Variants in ITPRIP observed in about 807,000 individuals in gnomAD.
ITPRIP encodes the protein inositol 1,4,5-trisphosphate receptor interacting protein.
ITPRIP carries 32 observed loss-of-function variants against 35.8 expected under a neutral mutation model. That is an observed-to-expected ratio of 0.89 (90% CI 0.68 to 1.20). The LOEUF is 1.20. Ranked by LOEUF, ITPRIP falls within the 50% of genes most tolerant of loss-of-function variation. ITPRIP has a pLI of 0.00. For missense variants in ITPRIP, 653 were observed against 735.6 expected (o/e 0.89, Z 1.30); for synonymous variants, 358 against 324.0 (o/e 1.11, Z -1.13).
In ITPRIP at chr10:104,328,197, T is replaced by G. The variant is rs1248171347; in HGVS notation, c.-14+10049A>C. The stretch of plus-strand genomic sequence containing the variant: ...AGCCTCCAGGATTCCCATCTCCGGT[T>G]TCTATGCGTGAATCACAGTGACAGC... On this transcript the variant is annotated intron_variant, in intron 1 of 1. Coordinates refer to ENST00000337478, the MANE Select transcript of ITPRIP (RefSeq NM_001272013.2). This position sits in a 1 kb window ranked among gnomAD's most constrained non-coding sequence, Gnocchi z 4.1. 2.0e-5 allele frequency: 20 copies of G among 984,116 alleles called. No individual in the cohort carries two copies. The highest frequency in any genetic ancestry group is 4.7e-5 in the South Asian group (1 of 21,276). 61.0% of individuals were successfully genotyped at this position (984,116 alleles called of 1,614,324 possible).
rs201889563 is a variant in ITPRIP at position 104,315,611 on chromosome 10, C to G, written c.441G>C (p.Glu147Asp). The G allele has an allele frequency of 1.9e-6, 3 of 1,613,218 alleles. No homozygotes were observed. The change falls in exon 2 of 2, where the codon GAG becomes GAC. Residue 147 changes from glutamate (E) to aspartate (D), a missense_variant. Glu to Asp is a conservative substitution (Grantham distance 45). Transcript: ENST00000337478. This position sits in a 1 kb window ranked among gnomAD's most constrained non-coding sequence, Gnocchi z 5.7. ...PNKATLGHFYERCIRGATADA... is the reference protein window; with the variant it reads ...PNKATLGHFYDRCIRGATADA... The stretch of plus-strand genomic sequence containing the variant: ...CGGCCGTGGCCCCCCGGATGCAGCG[C>G]TCATAAAAGTGGCCAAGCGTGGCCT...
In ITPRIP at chr10:104,333,463, A is replaced by C. The variant is rs1244092167; in HGVS notation, c.-14+4783T>G. Reference sequence around the variant, plus strand: ...CCTGAGCAACAGTGATGTCACCTGCAGGGTGCTTCCGTTTCACTGATGTCA... The same window carrying C: ...CCTGAGCAACAGTGATGTCACCTGCCGGGTGCTTCCGTTTCACTGATGTCA... On this transcript the variant is annotated intron_variant, in intron 1 of 1. Transcript: ENST00000337478. The surrounding 1 kb of genome is among the most constrained non-coding windows in gnomAD (Gnocchi z 4.1). The C allele has an allele frequency of 2.0e-5, 3 of 152,232 alleles. No homozygotes were observed. Among genetic ancestry groups the C allele is most frequent in the Admixed American group, 6.5e-5 (1 of 15,286 alleles). 9.4% of individuals were successfully genotyped at this position (152,232 alleles called of 1,614,324 possible).
intron 1 of ITPRIP, among the ~76,000 whole-genome samples, chr10:104,330,979 G>A (rs1169979231): frequency 1.3e-5 from 2 of 152,194 alleles, no homozygotes; most frequent in Non-Finnish European, 2.9e-5. Context: ...GACTGTTTAG[G>A]GAAGGGTAGG....
intron 1 of ITPRIP, among the ~76,000 whole-genome samples, chr10:104,332,131 A>G (rs1327450449): frequency 6.6e-6 from 1 of 152,172 alleles, no homozygotes; most frequent in African/African-American, 2.4e-5. Context: ...TAAAACTAGG[A>G]TAACACCCAC....
chr10:104,336,493 TTG>T (rs1491178879), intron 1 of ITPRIP, among the ~76,000 whole-genome samples: 29 of 108,172 alleles, frequency 2.7e-4, no homozygotes, highest in African/African-American at 1.0e-3. Flanking sequence ...TTATTTTTTT[TTG>T]GGGGGGGGGG....
Position 104,315,503 on chromosome 10 carries a change from G to A in ITPRIP, c.549C>T (p.Thr183=), listed in dbSNP as rs752065152. Residue 183 remains threonine (T), a synonymous_variant, in exon 2 of 2, where the codon ACC becomes ACT. Transcript: ENST00000337478. This position sits in a 1 kb window ranked among gnomAD's most constrained non-coding sequence, Gnocchi z 5.7. The stretch of plus-strand genomic sequence containing the variant: ...CAATGAAGTCCTCCACCTCCATGTC[G>A]GTGTCCCGGTTGCAGAGGCTCCTCA... ...EALRSLCNRD[T]DMEVEDFIGV... 1.7e-5 allele frequency: 27 copies of A among 1,614,082 alleles called. No individual in the cohort carries two copies. The Admixed American group carries it at 3.0e-4, about 18-fold the overall frequency.
Position 104,312,256 on chromosome 10 carries a change from G to A in ITPRIP, c.*2152C>T, listed in dbSNP as rs1043138624. The A allele has an allele frequency of 6.6e-6, 1 of 152,514 alleles. No individual in the cohort carries two copies. Among genetic ancestry groups the A allele is most frequent in the East Asian group, 1.9e-4 (1 of 5,180 alleles). The allele number at this position is 152,514 out of a possible 1,614,324, so 9.4% of individuals were successfully genotyped here. A position where few individuals can be genotyped will look rare whatever the true frequency, so the allele number is the denominator to read the frequency against. On this transcript the variant is annotated 3_prime_UTR_variant, in exon 2 of 2. Transcript: ENST00000337478. ...CAGAAAAGATTCCCGTTTCCCCACC[G>A]AGTTCTGTTGTCTCTGTACACACAA...
Position 104,315,161 on chromosome 10 carries a change from C to G in ITPRIP, c.891G>C (p.Thr297=). ...TCTGGAACCACTTCATGACCTGCAT[C>G]GTGTCCAGGTACAGGGAATCTGTGG... The part of the protein sequence containing the change: ...LCATDSLYLD[T]MQVMKWFQTA... The change falls in exon 2 of 2, where the codon ACG becomes ACC. Residue 297 remains threonine (T), a synonymous_variant. Coordinates refer to ENST00000337478, the MANE Select transcript of ITPRIP (RefSeq NM_001272013.2). This position sits in a 1 kb window ranked among gnomAD's most constrained non-coding sequence, Gnocchi z 5.7. 3 of 1,614,104 alleles carry G rather than the reference C, an allele frequency of 1.9e-6. No individual in the cohort carries two copies. Among genetic ancestry groups the G allele is most frequent in the Non-Finnish European group, 2.5e-6 (3 of 1,179,964 alleles).
In ITPRIP at chr10:104,315,138, T is replaced by C. The variant is rs1287846942; in HGVS notation, c.914A>G (p.Gln305Arg). 38 of 1,614,084 alleles carry C rather than the reference T, an allele frequency of 2.4e-5. No homozygotes were observed. Among genetic ancestry groups the C allele is most frequent in the Non-Finnish European group, 3.2e-5 (38 of 1,179,952 alleles). Residue 305 changes from glutamine to arginine, a missense_variant, in exon 2 of 2, where the codon CAG becomes CGG. Physicochemically the swap from Gln to Arg is conservative, Grantham distance 43. Coordinates refer to ENST00000337478, the MANE Select transcript of ITPRIP (RefSeq NM_001272013.2). This position sits in a 1 kb window ranked among gnomAD's most constrained non-coding sequence, Gnocchi z 5.7. ...LDTMQVMKWF[Q>R]TALTRAWKGI... ...CTTCCAGGCTCTGGTGAGGGCCGTC[T>C]GGAACCACTTCATGACCTGCATCGT...
intron 1 of ITPRIP, among the ~76,000 whole-genome samples, chr10:104,335,931 G>C (rs1182444280): frequency 7.1e-6 from 1 of 140,058 alleles, no homozygotes; most frequent in Non-Finnish European, 1.6e-5. Flanking sequence ...GTACTTTTGG[G>C]GAAAAAAAAA....
intron 1 of ITPRIP, among the ~76,000 whole-genome samples, chr10:104,337,508 CT>C (rs903179315): frequency 6.7e-6 from 1 of 150,138 alleles, no homozygotes; most frequent in Non-Finnish European, 1.5e-5. Context: ...TTTTCTTTTT[CT>C]TTTTTTAAGA....
At chr10:104,335,385 A>G (rs1245518248) in intron 1 of ITPRIP, among the ~76,000 whole-genome samples, 1 of 152,142 alleles carries the variant, frequency 6.6e-6, no homozygotes, top group Non-Finnish European at 1.5e-5. Flanking sequence ...GAAGGTCAGG[A>G]CAGTTGTCTC....
At chr10:104,332,877 C>A (rs549945703) in intron 1 of ITPRIP, among the ~76,000 whole-genome samples, 1 of 152,346 alleles carries the variant, frequency 6.6e-6, no homozygotes, top group South Asian at 2.1e-4. Context: ...GTTGGTCCTG[C>A]CTCTTGGGGC....
At chr10:104,320,506 A>T (rs957333169) in intron 1 of ITPRIP, among the ~76,000 whole-genome samples, 1 of 149,724 alleles carries the variant, frequency 6.7e-6, no homozygotes, top group Non-Finnish European at 1.5e-5. Flanking sequence ...CATATTCCTT[A>T]CACATGCATT....
rs2135168239 is a variant in ITPRIP, at chr10:104,310,342, G to A, written c.*4066C>T. 6.6e-6 allele frequency: 1 copy of A among 152,096 alleles called. No individual in the cohort carries two copies. The highest frequency in any genetic ancestry group is 1.9e-4 in the East Asian group (1 of 5,188). 9.4% of individuals were successfully genotyped at this position (152,096 alleles called of 1,614,324 possible). The stretch of plus-strand genomic sequence containing the variant: ...TAGATAAGGACTCCTTAGTTTGGGG[G>A]TGAATCAAGTTACTGTCTCACTCAA... On this transcript the variant is annotated 3_prime_UTR_variant, in exon 2 of 2. Coordinates refer to ENST00000337478, the MANE Select transcript of ITPRIP (RefSeq NM_001272013.2).
In ITPRIP at chr10:104,313,741, A is replaced by G. The variant is rs895622799; in HGVS notation, c.*667T>C. The G allele has an allele frequency of 1.0e-6, 1 of 985,504 alleles. No homozygotes were observed. Among genetic ancestry groups the G allele is most frequent in the Non-Finnish European group, 1.2e-6 (1 of 830,006 alleles). The allele number at this position is 985,504 out of a possible 1,614,324, so 61.0% of individuals were successfully genotyped here. A position where few individuals can be genotyped will look rare whatever the true frequency, so the allele number is the denominator to read the frequency against. On this transcript the variant is annotated 3_prime_UTR_variant, in exon 2 of 2. Coordinates refer to ENST00000337478, the MANE Select transcript of ITPRIP (RefSeq NM_001272013.2). The stretch of plus-strand genomic sequence containing the variant: ...GCAGCTGAGTGAGAAGTGTAGCTGA[A>G]AAAGTGGCTAATTGTGTTTCTCTAT...
At chr10:104,337,955 G>A (rs1177760862) in intron 1 of ITPRIP, among the ~76,000 whole-genome samples, 1 of 152,158 alleles carries the variant, frequency 6.6e-6, no homozygotes, top group South Asian at 2.1e-4. Flanking sequence ...CGCGCGCCTC[G>A]AGGAGGAGCT....
rs2013501689 is a variant in ITPRIP at position 104,312,071 on chromosome 10, TC to T, written c.*2336del. 1 of 152,176 alleles carries T rather than the reference TC, an allele frequency of 6.6e-6. No individual in the cohort carries two copies. The highest frequency in any genetic ancestry group is 2.4e-5 in the African/African-American group (1 of 41,444). 9.4% of individuals were successfully genotyped at this position (152,176 alleles called of 1,614,324 possible). A position where few individuals can be genotyped will look rare whatever the true frequency, so the allele number is the denominator to read the frequency against. On this transcript the variant is annotated 3_prime_UTR_variant, in exon 2 of 2. Transcript: ENST00000337478. ...TGTCAATAGGAAATCCACCCCCCTG[TC>T]CCCAACTCTGCCCTGGGAGCCTCAC...
At chr10:104,317,811 TAAAG>T (rs1247830666) in intron 1 of ITPRIP, among the ~76,000 whole-genome samples, 1 of 152,176 alleles carries the variant, frequency 6.6e-6, no homozygotes, top group Non-Finnish European at 1.5e-5. Context: ...TGTCCCCAGG[TAAAG>T]ATACCTCTGC....
Sources: gnomAD v4.1 joint callset for allele counts (sites outside exome capture counted in the v4.1 genomes callset) on GRCh38, gnomAD v4.1.1 for gene constraint, Gnocchi (gnomAD v3.1) non-coding constraint, MANE v1.5 for transcripts, NCBI Gene and HGNC (gene_info 2026-07-23, HGNC 2026-07-21) for gene names.